The following MBOAT2 variants were observed in gnomAD, a reference collection of about 807,000 sequenced individuals.
MBOAT2 encodes membrane bound glycerophospholipid O-acyltransferase 2.
Under a neutral mutation model 63.4 loss-of-function variants are expected in MBOAT2, and 28 were observed. That is an observed-to-expected ratio of 0.44 (90% CI 0.33 to 0.61). The LOEUF (loss-of-function observed/expected upper bound fraction) is 0.61. Ranked by LOEUF, MBOAT2 falls within the 20% of genes least tolerant of loss-of-function variation. The pLI is 0.03. For synonymous variants in MBOAT2, 211 were observed against 215.6 expected (o/e 0.98, Z 0.19); for missense variants, 470 against 605.8 (o/e 0.78, Z 2.35).
intron 3 of MBOAT2, among the ~76,000 whole-genome samples, chr2:8,938,461 G>A (rs555093169): frequency 4.4e-4 from 67 of 152,176 alleles, no homozygotes; most frequent in African/African-American, 1.3e-3. Flanking sequence ...CTTCCACACC[G>A]TGTTTCATGC....
chr2:8,933,644 C>G (rs1347950303), intron 3 of MBOAT2, among the ~76,000 whole-genome samples: 1 of 152,148 alleles, frequency 6.6e-6, no homozygotes, highest in Non-Finnish European at 1.5e-5. Context: ...CGAATGACAT[C>G]TTTTGATTTT....
chr2:8,980,491 C>G (rs1671123707), intron 1 of MBOAT2, among the ~76,000 whole-genome samples: 1 of 152,080 alleles, frequency 6.6e-6, no homozygotes, highest in South Asian at 2.1e-4. Context: ...AAAAGAAAAA[C>G]AAGCAAACAT....
At chr2:8,895,337 G>A (rs1045066828) in intron 4 of MBOAT2, among the ~76,000 whole-genome samples, 1 of 152,046 alleles carries the variant, frequency 6.6e-6, no homozygotes, top group Non-Finnish European at 1.5e-5. Context: ...ACAGAGTGCT[G>A]ATTGGTCCGT....
At chr2:8,994,477 T>G (rs1335135725) in intron 1 of MBOAT2, among the ~76,000 whole-genome samples, 1 of 152,196 alleles carries the variant, frequency 6.6e-6, no homozygotes, top group African/African-American at 2.4e-5. Context: ...GACACTGGGC[T>G]TCTGCTGTAC....
At chr2:8,861,463 A>C (rs1661487952) in intron 11 of MBOAT2, among the ~76,000 whole-genome samples, 1 of 152,188 alleles carries the variant, frequency 6.6e-6, no homozygotes, top group Non-Finnish European at 1.5e-5. Flanking sequence ...GGAATGCCAA[A>C]AGCCCGTACC....
At chr2:8,865,951 C>G (rs1158751307) in intron 9 of MBOAT2, among the ~76,000 whole-genome samples, 4 of 152,132 alleles carry the variant, frequency 2.6e-5, no homozygotes, top group Non-Finnish European at 4.4e-5. Context: ...GCAGGAGAAT[C>G]GCTTGAACCC....
intron 4 of MBOAT2, among the ~76,000 whole-genome samples, chr2:8,894,809 C>T (rs1664307511): frequency 6.6e-6 from 1 of 152,222 alleles, no homozygotes; most frequent in African/African-American, 2.4e-5. Flanking sequence ...GTCTTGCTGA[C>T]TTCAGGAGTG....
chr2:8,889,197 C>T (rs1250894655), intron 4 of MBOAT2, among the ~76,000 whole-genome samples: 1 of 152,238 alleles, frequency 6.6e-6, no homozygotes, highest in Non-Finnish European at 1.5e-5. Context: ...GACCTGCTCT[C>T]TTCCAGCAGT....
At chr2:8,892,870 G>A (rs990756741) in intron 4 of MBOAT2, among the ~76,000 whole-genome samples, 4 of 152,084 alleles carry the variant, frequency 2.6e-5, no homozygotes, top group African/African-American at 9.7e-5. Flanking sequence ...TGAGCAAGGA[G>A]GACAGGAACA....
In MBOAT2 at chr2:8,862,282, A is replaced by G; in HGVS notation, c.1185+308T>C. 1 of 1,316,170 alleles carries G rather than the reference A, an allele frequency of 7.6e-7. No individual in the cohort carries two copies. The highest frequency in any genetic ancestry group is 9.9e-7 in the Non-Finnish European group (1 of 1,008,076). The allele number at this position is 1,316,170 out of a possible 1,614,324, so 81.5% of individuals were successfully genotyped here. A position where few individuals can be genotyped will look rare whatever the true frequency, so the allele number is the denominator to read the frequency against. ...TAAAATAAACCTACCCATTCTGATC[A>G]TCTTTATTTAACTCAGTTTTTATCT... On this transcript the variant is annotated intron_variant, in intron 11 of 12. Coordinates refer to ENST00000305997, the MANE Select transcript of MBOAT2 (RefSeq NM_138799.4). The surrounding 1 kb of genome is among the most constrained non-coding windows in gnomAD (Gnocchi z 4.3).
intron 6 of MBOAT2, among the ~76,000 whole-genome samples, chr2:8,879,481 G>A (rs1662947682): frequency 6.6e-6 from 1 of 152,198 alleles, no homozygotes; most frequent in African/African-American, 2.4e-5. Flanking sequence ...AAGTCTAATT[G>A]TAATGTATAA....
intron 5 of MBOAT2, among the ~76,000 whole-genome samples, chr2:8,882,931 T>C (rs1663249405): frequency 6.6e-6 from 1 of 152,212 alleles, no homozygotes; most frequent in Non-Finnish European, 1.5e-5. Context: ...ACATGAGTAC[T>C]ATAAACTAGA....
chr2:8,860,473 GAATTAAA>G (rs1661416277), intron 12 of MBOAT2, 133 bp downstream of exon 12: 1 of 820,308 alleles, frequency 1.2e-6, no homozygotes, highest in Non-Finnish European at 1.9e-6. Context: ...GCTTGGTTCA[GAATTAAA>G]AAGTAACTGA....
chr2:8,925,970 T>C (rs1405857304), intron 3 of MBOAT2, among the ~76,000 whole-genome samples: 1 of 152,228 alleles, frequency 6.6e-6, no homozygotes, highest in Non-Finnish European at 1.5e-5. Context: ...GTAAGTGTTA[T>C]TACTCCAATT....
chr2:8,998,873 T>C (rs1429504859), intron 1 of MBOAT2, among the ~76,000 whole-genome samples: 2 of 152,120 alleles, frequency 1.3e-5, no homozygotes, highest in African/African-American at 4.8e-5. Context: ...AACCTGACCT[T>C]TTTTATTCAA....
chr2:8,989,971 G>T (rs1449856203), intron 1 of MBOAT2, among the ~76,000 whole-genome samples: 2 of 152,206 alleles, frequency 1.3e-5, no homozygotes, highest in African/African-American at 4.8e-5. Context: ...CACACAGCTT[G>T]TAAGGGATGC....
At chr2:8,944,138 C>T (rs945849618) in intron 2 of MBOAT2, among the ~76,000 whole-genome samples, 17 of 152,292 alleles carry the variant, frequency 1.1e-4, no homozygotes, top group South Asian at 2.1e-4. Flanking sequence ...ACTGGGACTA[C>T]GGGCATGAGC....
At chr2:8,876,914 G>A in intron 7 of MBOAT2, 116 bp downstream of exon 7, 1 of 1,047,576 alleles carries the variant, frequency 9.5e-7, no homozygotes, top group African/African-American at 1.6e-5. Context: ...TATTTATCTT[G>A]AAAAGTATTT....
chr2:8,987,866 G>A (rs1671674942), intron 1 of MBOAT2, among the ~76,000 whole-genome samples: 1 of 152,102 alleles, frequency 6.6e-6, no homozygotes, highest in South Asian at 2.1e-4. Context: ...GGACTGAAGG[G>A]TAATGGGTGA....
Sources: gnomAD v4.1 joint callset for allele counts (sites outside exome capture counted in the v4.1 genomes callset) on GRCh38, gnomAD v4.1.1 for gene constraint, Gnocchi (gnomAD v3.1) non-coding constraint, MANE v1.5 for transcripts, NCBI Gene and HGNC (gene_info 2026-07-23, HGNC 2026-07-21) for gene names.